FXN: variants seen among roughly 807,000 people sequenced by gnomAD.
The protein encoded by FXN is frataxin, mitochondrial.
FXN carries 14 observed loss-of-function variants against 22.4 expected under a neutral mutation model. That is an observed-to-expected ratio of 0.62 (90% CI 0.41 to 0.98). The LOEUF is 0.98. Among genes scored for constraint, FXN ranks in the 50% least tolerant of loss-of-function variants. The probability of loss-of-function intolerance (pLI) is 0.00; values close to 1 mark genes in which losing one functional copy is unlikely to be tolerated. For missense variants in FXN, 267 were observed against 268.4 expected (o/e 0.99, Z 0.04); for synonymous variants, 120 against 114.1 (o/e 1.05, Z -0.33).
intron 2 of FXN, among the ~76,000 whole-genome samples, chr9:69,052,268 C>G (rs1831866957): frequency 6.6e-6 from 1 of 151,884 alleles, no homozygotes; most frequent in Admixed American, 6.6e-5. Flanking sequence ...ATTCTCCTGT[C>G]TCAGCCTCCC....
intron 2 of FXN, among the ~76,000 whole-genome samples, chr9:69,051,737 A>G (rs994046145): frequency 5.3e-5 from 8 of 152,228 alleles, no homozygotes; most frequent in Non-Finnish European, 1.2e-4. Context: ...TCTCCAATAG[A>G]TTTTAGATGG....
intron 1 of FXN, among the ~76,000 whole-genome samples, chr9:69,044,082 A>C (rs758183326): frequency 6.6e-6 from 1 of 152,170 alleles, no homozygotes; most frequent in Non-Finnish European, 1.5e-5. Context: ...AACAGAAATA[A>C]GGTTATATAT....
At chr9:69,038,513 A>G (rs1238383091) in intron 1 of FXN, among the ~76,000 whole-genome samples, 2 of 152,196 alleles carry the variant, frequency 1.3e-5, no homozygotes, top group Non-Finnish European at 2.9e-5. Context: ...TCATTCCAAC[A>G]TGTAATCAGT....
At chr9:69,060,373 A>G (rs557862761) in intron 3 of FXN, among the ~76,000 whole-genome samples, 119 of 151,384 alleles carry the variant, frequency 7.9e-4, no homozygotes, top group African/African-American at 2.7e-3. Context: ...TCCATCTCAA[A>G]AAAAAAAAAA....
rs56289301 is a variant in FXN, at chr9:69,076,704, C to G, written c.*3942C>G. ...CCATGCAAGGTTGCCAAGGAAAAATCGCTTTACGCTTCCAAGGTACACACT... is the reference window on the plus strand; with the variant it reads ...CCATGCAAGGTTGCCAAGGAAAAATGGCTTTACGCTTCCAAGGTACACACT... On this transcript the variant is annotated 3_prime_UTR_variant, in exon 5 of 5. Coordinates refer to ENST00000484259, the MANE Select transcript of FXN (RefSeq NM_000144.5). 30 of 985,394 alleles carry G rather than the reference C, an allele frequency of 3.0e-5. 2 individuals are homozygous for G. The East Asian group carries it at 3.3e-3, about 108-fold the overall frequency. 61.0% of individuals were successfully genotyped at this position (985,394 alleles called of 1,614,324 possible). A position where few individuals can be genotyped will look rare whatever the true frequency, so the allele number is the denominator to read the frequency against.
At chr9:69,050,018 C>T (rs1484415266) in intron 2 of FXN, among the ~76,000 whole-genome samples, 1 of 152,228 alleles carries the variant, frequency 6.6e-6, no homozygotes, top group African/African-American at 2.4e-5. Context: ...TGCCTGCTCA[C>T]TTCTAGTCAT....
At chr9:69,067,963 C>T (rs1283394670) in intron 4 of FXN, among the ~76,000 whole-genome samples, 1 of 152,182 alleles carries the variant, frequency 6.6e-6, no homozygotes, top group East Asian at 1.9e-4. Context: ...ATGACTTAGC[C>T]TCTAGTGTAT....
chr9:69,076,684 C>T lies in FXN; in HGVS notation c.*3922C>T. Reference sequence around the variant, plus strand: ...ATGGAGTTTGTGTGGACTAACCATGCAAGGTTGCCAAGGAAAAATCGCTTT... The same window carrying T: ...ATGGAGTTTGTGTGGACTAACCATGTAAGGTTGCCAAGGAAAAATCGCTTT... On this transcript the variant is annotated 3_prime_UTR_variant, in exon 5 of 5. Coordinates refer to ENST00000484259, the MANE Select transcript of FXN (RefSeq NM_000144.5). 2.0e-6 allele frequency: 2 copies of T among 985,382 alleles called. No homozygotes were observed. Among genetic ancestry groups the T allele is most frequent in the Non-Finnish European group, 2.4e-6 (2 of 829,926 alleles). 61.0% of individuals were successfully genotyped at this position (985,382 alleles called of 1,614,324 possible).
At chr9:69,037,401 G>T (rs1291530006) in intron 1 of FXN, among the ~76,000 whole-genome samples, 1 of 152,010 alleles carries the variant, frequency 6.6e-6, no homozygotes, top group East Asian at 1.9e-4. Flanking sequence ...GGGAGGCAGA[G>T]GTTGCATTAA....
rs1376349700 is a variant in FXN at position 69,075,439 on chromosome 9, A to G, written c.*2677A>G. ...CATGCCACTTCACTCCAGCCTGGCC[A>G]ACAGAGCCATACTCCGTCTCAAATA... is the stretch of plus-strand genomic sequence containing the variant. On this transcript the variant is annotated 3_prime_UTR_variant, in exon 5 of 5. Coordinates refer to ENST00000484259, the MANE Select transcript of FXN (RefSeq NM_000144.5). The G allele has an allele frequency of 1.1e-6, 1 of 946,226 alleles. No individual in the cohort carries two copies. The highest frequency in any genetic ancestry group is 1.3e-6 in the Non-Finnish European group (1 of 796,282). 58.6% of individuals were successfully genotyped at this position (946,226 alleles called of 1,614,324 possible). A position where few individuals can be genotyped will look rare whatever the true frequency, so the allele number is the denominator to read the frequency against.
chr9:69,052,704 G>T (rs1429707938), intron 2 of FXN, among the ~76,000 whole-genome samples: 2 of 151,790 alleles, frequency 1.3e-5, no homozygotes, highest in South Asian at 4.2e-4. Context: ...CACCACGCCC[G>T]GCTAATTTTT....
At position 69,073,492 on chromosome 9, in the gene FXN, A is replaced by T. The variant is rs1411132555; in HGVS notation, c.*730A>T. ...ATCTTCCAAAGACAAGAAAAGAGGA[A>T]AAAAAGCCGTTTTCATGAGCTGAGT... is the stretch of plus-strand genomic sequence containing the variant. On this transcript the variant is annotated 3_prime_UTR_variant, in exon 5 of 5. Transcript: ENST00000484259. 1.0e-6 allele frequency: 1 copy of T among 985,384 alleles called. No individual in the cohort carries two copies. The highest frequency in any genetic ancestry group is 1.2e-6 in the Non-Finnish European group (1 of 830,002). The allele number at this position is 985,384 out of a possible 1,614,324, so 61.0% of individuals were successfully genotyped here.
intron 1 of FXN, among the ~76,000 whole-genome samples, chr9:69,042,325 C>A (rs1352219153): frequency 6.6e-6 from 1 of 151,966 alleles, no homozygotes; most frequent in African/African-American, 2.4e-5. Context: ...ATGGAGCCTC[C>A]CTTAGGCAGA....
intron 1 of FXN, among the ~76,000 whole-genome samples, chr9:69,041,691 C>T (rs976153038): frequency 2.6e-5 from 4 of 152,186 alleles, no homozygotes; most frequent in African/African-American, 4.8e-5. Context: ...AGCTGGGCTC[C>T]CTGCTGGCCA....
At chr9:69,050,253 T>C (rs1388635845) in intron 2 of FXN, among the ~76,000 whole-genome samples, 2 of 152,272 alleles carry the variant, frequency 1.3e-5, no homozygotes, top group African/African-American at 4.8e-5. Context: ...TAGTATTCCA[T>C]TGCATGACTA....
In FXN at chr9:69,065,038, A is replaced by G. The variant is rs756771078; in HGVS notation, c.482+3A>G. 1.9e-6 allele frequency: 3 copies of G among 1,604,110 alleles called. No individual in the cohort carries two copies. Among genetic ancestry groups the G allele is most frequent in the Non-Finnish European group, 2.6e-6 (3 of 1,170,854 alleles). ...ATCTGGCTATCTTCTCCATCCAGGT[A>G]TGTAGGTATGTTCAGAAGTCAACAT... On this transcript the variant is annotated splice_donor_region_variant and intron_variant, in intron 4 of 4. Transcript: ENST00000484259.
intron 1 of FXN, among the ~76,000 whole-genome samples, chr9:69,042,164 G>T (rs1471414365): frequency 6.6e-6 from 1 of 151,944 alleles, no homozygotes; most frequent in African/African-American, 2.4e-5. Flanking sequence ...CTTGAACCCG[G>T]GAGGCGGAGG....
intron 3 of FXN, among the ~76,000 whole-genome samples, chr9:69,058,864 C>T (rs927303144): frequency 1.3e-5 from 2 of 152,004 alleles, no homozygotes; most frequent in Admixed American, 6.6e-5. Flanking sequence ...GTCAGGAGAT[C>T]GAGACCATCC....
chr9:69,066,632 C>G (rs2133129041), intron 4 of FXN, among the ~76,000 whole-genome samples: 1 of 152,156 alleles, frequency 6.6e-6, no homozygotes, highest in South Asian at 2.1e-4. Flanking sequence ...TCCGGGGGAA[C>G]GAAGTGGATC....
Sources: gnomAD v4.1 joint callset for allele counts (sites outside exome capture counted in the v4.1 genomes callset) on GRCh38, gnomAD v4.1.1 for gene constraint, MANE v1.5 for transcripts, NCBI Gene and HGNC (gene_info 2026-07-23, HGNC 2026-07-21) for gene names.